The following LRFN3 variants were observed in gnomAD, a reference collection of about 807,000 sequenced individuals.
LRFN3 encodes leucine rich repeat and fibronectin type III domain containing 3, also known as leucine-rich repeat and fibronectin type-III domain-containing protein 3.
A neutral mutation model predicts 23.8 loss-of-function variants in LRFN3; 8 were observed. The observed-to-expected ratio is 0.34, with a 90% CI of 0.20 to 0.61. The LOEUF (loss-of-function observed/expected upper bound fraction) is 0.61, where lower values mean the gene tolerates loss of function less well. Ranked by LOEUF, LRFN3 falls within the 20% of genes least tolerant of loss-of-function variation. LRFN3 has a pLI of 0.80. For synonymous variants in LRFN3, 451 were observed against 450.6 expected (o/e 1.00, Z -0.01); for missense variants, 736 against 935.3 (o/e 0.79, Z 2.78).
At chr19:35,941,573 AT>A (rs879553594) in intron 2 of LRFN3, among the ~76,000 whole-genome samples, 349 of 146,618 alleles carry the variant, frequency 2.4e-3, no homozygotes, top group African/African-American at 4.1e-3. Flanking sequence ...TGACATCCAG[AT>A]TTTTTTTTTT....
chr19:35,940,889 G>A (rs372605896), intron 2 of LRFN3, 49 bp downstream of exon 2: 20 of 1,478,612 alleles, frequency 1.4e-5, no homozygotes, highest in South Asian at 6.7e-5. Context: ...GTGAGGCAAG[G>A]GGAGGGTTGA....
At position 35,945,948 on chromosome 19, in the gene LRFN3, C is replaced by T. The variant is rs557791266; in HGVS notation, c.*929C>T. The stretch of plus-strand genomic sequence containing the variant: ...GGGCAGGGACCTGGGTGGGTGAGGA[C>T]GAAGTTGGACCAGCTGGGCTAGGGA... On this transcript the variant is annotated 3_prime_UTR_variant, in exon 3 of 3. Coordinates refer to ENST00000246529, the MANE Select transcript of LRFN3 (RefSeq NM_024509.2). Among the ~76,000 whole-genome samples, 4 of 151,770 alleles carry T rather than the reference C, an allele frequency of 2.6e-5. No homozygotes were observed. The highest frequency in any genetic ancestry group is 4.4e-5 in the Non-Finnish European group (3 of 67,964).
At chr19:35,940,951 G>A in intron 2 of LRFN3, 111 bp downstream of exon 2, 1 of 1,356,534 alleles carries the variant, frequency 7.4e-7, no homozygotes, top group Non-Finnish European at 9.5e-7. Flanking sequence ...AGTGATGCTG[G>A]AAGGTTCCAA....
At chr19:35,943,961 G>A (rs1237753171) in intron 2 of LRFN3, among the ~76,000 whole-genome samples, 1 of 152,206 alleles carries the variant, frequency 6.6e-6, no homozygotes, top group Admixed American at 6.5e-5. Context: ...AAGGCAGGAG[G>A]CTGGACTGCC....
In LRFN3 at chr19:35,945,070, C is replaced by T. The variant is rs1444129437; in HGVS notation, c.*51C>T. The T allele has an allele frequency of 4.4e-6, 5 of 1,137,898 alleles. No homozygotes were observed. The highest frequency in any genetic ancestry group is 1.9e-5 in the South Asian group (1 of 51,742). The allele number at this position is 1,137,898 out of a possible 1,614,324, so 70.5% of individuals were successfully genotyped here. ...CTCTGGCCCCACGGACAGCAGGACC[C>T]GGACACCCTGTGGGACCTGGCCTCA... On this transcript the variant is annotated 3_prime_UTR_variant, in exon 3 of 3. Transcript: ENST00000246529.
At chr19:35,941,802 G>C (rs1599653455) in intron 2 of LRFN3, among the ~76,000 whole-genome samples, 1 of 152,160 alleles carries the variant, frequency 6.6e-6, no homozygotes, top group African/African-American at 2.4e-5. Context: ...TAGAAGTCCT[G>C]ACCTCAGGTG....
Position 35,939,468 on chromosome 19 carries a change from C to T in LRFN3, c.43C>T (p.Pro15Ser). Residue 15 changes from proline to serine, a missense_variant, in exon 2 of 3, where the codon CCT becomes TCT. Coordinates refer to ENST00000246529, the MANE Select transcript of LRFN3 (RefSeq NM_024509.2). The surrounding 1 kb of genome is among the most constrained non-coding windows in gnomAD (Gnocchi z 6.4). Reference protein sequence around the residue: ...PLLLCLLPLAPASSPPQSATP... With the variant: ...PLLLCLLPLASASSPPQSATP... ...GCTCCTGTGCCTGCTGCCGCTGGCC[C>T]CTGCCTCATCCCCACCCCAGTCAGC... The T allele has an allele frequency of 6.2e-7, 1 of 1,600,822 alleles. No homozygotes were observed. The highest frequency in any genetic ancestry group is 8.5e-7 in the Non-Finnish European group (1 of 1,176,078).
chr19:35,944,646 C>A lies in LRFN3; in HGVS notation c.1514C>A (p.Thr505Lys). The change falls in exon 3 of 3, where the codon ACG (threonine) becomes AAG (lysine). Residue 505 changes from threonine (T) to lysine (K), a missense_variant. By Grantham distance (78) the Thr-to-Lys change is moderately conservative. Coordinates refer to ENST00000246529, the MANE Select transcript of LRFN3 (RefSeq NM_024509.2). The surrounding 1 kb of genome is among the most constrained non-coding windows in gnomAD (Gnocchi z 4.5). ...CTCGCCGTGTATGAGGACAGCGCCA[C>A]GGGGCTCACGGCCACGCGGCCTGTG... ...CVLAVYEDSA[T>K]GLTATRPVGC... 1 of 1,591,508 alleles carries A rather than the reference C, an allele frequency of 6.3e-7. No homozygotes were observed. The highest frequency in any genetic ancestry group is 8.5e-7 in the Non-Finnish European group (1 of 1,173,320).
Position 35,940,396 on chromosome 19 carries a change from A to G in LRFN3, c.971A>G (p.Glu324Gly), listed in dbSNP as rs1347079516. 1.3e-6 allele frequency: 2 copies of G among 1,577,092 alleles called. No individual in the cohort carries two copies. Reference protein sequence around the residue: ...ALRCRAVGDPEPRVRWVSPQG... With the variant: ...ALRCRAVGDPGPRVRWVSPQG... ...CGCTGCCGGGCAGTGGGGGACCCAG[A>G]GCCCCGTGTGCGTTGGGTGTCACCC... Residue 324 changes from glutamate (E) to glycine (G), a missense_variant, in exon 2 of 3, where the codon GAG (glutamate) becomes GGG (glycine). Glu to Gly is a moderately conservative substitution (Grantham distance 98). Coordinates refer to ENST00000246529, the MANE Select transcript of LRFN3 (RefSeq NM_024509.2).
At chr19:35,937,895 G>A (rs1454908993) in intron 1 of LRFN3, among the ~76,000 whole-genome samples, 1 of 151,736 alleles carries the variant, frequency 6.6e-6, no homozygotes, top group Non-Finnish European at 1.5e-5. Context: ...TCCTCTCAAT[G>A]GCCATCTCTG....
chr19:35,945,014 C>T lies in LRFN3; in HGVS notation c.1882C>T (p.Pro628Ser). ...GGGGCCCGGCCACGAACCTGTGGGA[C>T]CCTAGCCAGGCGCCCCCCCCTCTAA... is the stretch of plus-strand genomic sequence containing the variant. ...PWGPGHEPVGP is the reference protein window; with the variant it reads ...PWGPGHEPVGS The change falls in exon 3 of 3, where the codon CCC becomes TCC. Residue 628 changes from proline to serine, a missense_variant. Transcript: ENST00000246529. The T allele has an allele frequency of 7.3e-7, 1 of 1,375,232 alleles. No homozygotes were observed. Among genetic ancestry groups the T allele is most frequent in the Non-Finnish European group, 9.3e-7 (1 of 1,074,586 alleles). The allele number at this position is 1,375,232 out of a possible 1,614,324, so 85.2% of individuals were successfully genotyped here. A position where few individuals can be genotyped will look rare whatever the true frequency, so the allele number is the denominator to read the frequency against.
chr19:35,940,931 A>G, intron 2 of LRFN3, 91 bp downstream of exon 2: 1 of 1,413,408 alleles, frequency 7.1e-7, no homozygotes, highest in South Asian at 1.7e-5. Context: ...ACACCGAAGC[A>G]CAACTGATAA....
Position 35,945,992 on chromosome 19 carries a change from T to A in LRFN3, c.*973T>A, listed in dbSNP as rs1976174708. Among the ~76,000 whole-genome samples, 1 of 151,886 alleles carries A rather than the reference T, an allele frequency of 6.6e-6. No homozygotes were observed. Among genetic ancestry groups the A allele is most frequent in the Admixed American group, 6.6e-5 (1 of 15,250 alleles). ...CTAGGGAACAAGAAAAGGGAGTGGG[T>A]TGACAGAGACACTCGGGAAACTGTG... On this transcript the variant is annotated 3_prime_UTR_variant, in exon 3 of 3. Transcript: ENST00000246529.
chr19:35,945,153 C>G lies in LRFN3; in HGVS notation c.*134C>G, dbSNP rs980642122. 1.9e-6 allele frequency: 1 copy of G among 522,196 alleles called. No individual in the cohort carries two copies. The highest frequency in any genetic ancestry group is 2.0e-5 in the African/African-American group (1 of 49,276). 32.3% of individuals were successfully genotyped at this position (522,196 alleles called of 1,614,324 possible). ...CTGATGGGGAGGGTGTCGGGGACAC[C>G]GGGGCAAAACAAGAAAGTCCTATTT... is the stretch of plus-strand genomic sequence containing the variant. On this transcript the variant is annotated 3_prime_UTR_variant, in exon 3 of 3. Coordinates refer to ENST00000246529, the MANE Select transcript of LRFN3 (RefSeq NM_024509.2).
Position 35,944,502 on chromosome 19 carries a change from G to C in LRFN3, c.1416-46G>C. Reference sequence around the variant, plus strand: ...AGTTTGGTGGGGGAAGCACAGGTTGGGGGCTGGGCAGCCTGAGACCTGACC... The same window carrying C: ...AGTTTGGTGGGGGAAGCACAGGTTGCGGGCTGGGCAGCCTGAGACCTGACC... On this transcript the variant is annotated intron_variant, in intron 2 of 2. Transcript: ENST00000246529. The surrounding 1 kb of genome is among the most constrained non-coding windows in gnomAD (Gnocchi z 4.5). 1 of 1,331,906 alleles carries C rather than the reference G, an allele frequency of 7.5e-7. No homozygotes were observed. The highest frequency in any genetic ancestry group is 9.8e-7 in the Non-Finnish European group (1 of 1,025,032). 82.5% of individuals were successfully genotyped at this position (1,331,906 alleles called of 1,614,324 possible).
At position 35,939,406 on chromosome 19, in the gene LRFN3, G is replaced by T; in HGVS notation, c.-16-4G>T. The T allele has an allele frequency of 1.3e-6, 2 of 1,555,838 alleles. No homozygotes were observed. Among genetic ancestry groups the T allele is most frequent in the African/African-American group, 1.3e-5 (1 of 74,128 alleles). On this transcript the variant is annotated splice_region_variant and splice_polypyrimidine_tract_variant and intron_variant, in intron 1 of 2. Coordinates refer to ENST00000246529, the MANE Select transcript of LRFN3 (RefSeq NM_024509.2). The surrounding 1 kb of genome is among the most constrained non-coding windows in gnomAD (Gnocchi z 6.4). ...TGCCCTCACGCCTCCCCTCTTCTCC[G>T]CAGGACACCCCTGCCCGCGATGGCC...
Position 35,939,348 on chromosome 19 carries a change from A to G in LRFN3, c.-16-62A>G. The G allele has an allele frequency of 6.7e-7, 1 of 1,491,300 alleles. No homozygotes were observed. The allele number at this position is 1,491,300 out of a possible 1,614,324, so 92.4% of individuals were successfully genotyped here. A position where few individuals can be genotyped will look rare whatever the true frequency, so the allele number is the denominator to read the frequency against. On this transcript the variant is annotated intron_variant, in intron 1 of 2. Coordinates refer to ENST00000246529, the MANE Select transcript of LRFN3 (RefSeq NM_024509.2). The surrounding 1 kb of genome is among the most constrained non-coding windows in gnomAD (Gnocchi z 6.4). ...CACTGTGACCTTCTCTCCTGGTCTC[A>G]GACCACCCCCAGCCCCTGCAGAACC...
At position 35,936,965 on chromosome 19, in the gene LRFN3, A is replaced by G. The variant is rs1279199441; in HGVS notation, c.-607A>G. 3 of 152,260 alleles carry G rather than the reference A, an allele frequency of 2.0e-5. No homozygotes were observed. The highest frequency in any genetic ancestry group is 4.4e-5 in the Non-Finnish European group (3 of 68,104). 9.4% of individuals were successfully genotyped at this position (152,260 alleles called of 1,614,324 possible). On this transcript the variant is annotated 5_prime_UTR_variant, in exon 1 of 3. Transcript: ENST00000246529. The stretch of plus-strand genomic sequence containing the variant: ...TTGGAGCAGAACCCCAAGATTTGAC[A>G]TCTAAAACCTCAAGCCTGGAGCTGA...
chr19:35,944,258 G>T lies in LRFN3; in HGVS notation c.1416-290G>T, dbSNP rs981675558. On this transcript the variant is annotated intron_variant, in intron 2 of 2. Transcript: ENST00000246529. The surrounding 1 kb of genome is among the most constrained non-coding windows in gnomAD (Gnocchi z 4.5). The stretch of plus-strand genomic sequence containing the variant: ...GAAGAACTCACGTGGTGAGCTGTTA[G>T]AGAAATTGGGTGGTGGGACTAGAGT... Among the ~76,000 whole-genome samples the T allele has an allele frequency of 1.3e-5, 2 of 152,176 alleles. No homozygotes were observed. Among genetic ancestry groups the T allele is most frequent in the African/African-American group, 4.8e-5 (2 of 41,450 alleles).
Sources: gnomAD v4.1 joint callset for allele counts (sites outside exome capture counted in the v4.1 genomes callset) on GRCh38, gnomAD v4.1.1 for gene constraint, Gnocchi (gnomAD v3.1) non-coding constraint, MANE v1.5 for transcripts, NCBI Gene and HGNC (gene_info 2026-07-23, HGNC 2026-07-21) for gene names.